The following ODAD2 variants were observed in gnomAD, a reference collection of about 807,000 sequenced individuals.
ODAD2 encodes the protein outer dynein arm docking complex subunit 2.
ODAD2 carries 89 observed loss-of-function variants against 106.8 expected under a neutral mutation model. That is an observed-to-expected ratio of 0.83 (90% CI 0.70 to 0.99). ODAD2 has a LOEUF of 0.99. Among genes scored for constraint, ODAD2 ranks in the 50% least tolerant of loss-of-function variants. ODAD2 has a pLI of 0.00. For synonymous variants in ODAD2, 404 were observed against 436.2 expected (o/e 0.93, Z 0.92); for missense variants, 1,168 against 1,238.5 (o/e 0.94, Z 0.85).
intron 19 of ODAD2, among the ~76,000 whole-genome samples, chr10:27,814,145 A>C (rs978497183): frequency 6.6e-6 from 1 of 152,052 alleles, no homozygotes; most frequent in African/African-American, 2.4e-5. Context: ...TATTGGGCAA[A>C]ATGGGGGAAA....
At chr10:27,994,515 A>C (rs1850431741) in intron 2 of ODAD2, among the ~76,000 whole-genome samples, 1 of 152,108 alleles carries the variant, frequency 6.6e-6, no homozygotes, top group Admixed American at 6.5e-5. Context: ...GGATCACTTG[A>C]GGCCAGGAAT....
At chr10:27,848,100 G>T (rs1838928746) in intron 19 of ODAD2, among the ~76,000 whole-genome samples, 1 of 152,130 alleles carries the variant, frequency 6.6e-6, no homozygotes, top group South Asian at 2.1e-4. Context: ...CCAAAAAAGA[G>T]CCCACATTGC....
rs148256668 is a variant in ODAD2 at position 27,929,771 on chromosome 10, T to C, written c.2495+5239A>G. 3.9e-3 allele frequency among the ~76,000 whole-genome samples: 594 copies of C among 152,326 alleles called. 3 individuals are homozygous for C. The highest frequency in any genetic ancestry group is 0.014 in the African/African-American group (578 of 41,572). ...AATGGCTTGTGTCATTAAAAGAAGA[T>C]GCAGAGAAGTTTACAGCCAATGGTT... On this transcript the variant is annotated intron_variant, in intron 16 of 19. Transcript: ENST00000305242.
intron 2 of ODAD2, among the ~76,000 whole-genome samples, chr10:27,994,591 T>C (rs77588773): frequency 0.029 from 4,404 of 152,066 alleles, 117 homozygotes; most frequent in East Asian, 0.1. Flanking sequence ...TGTATATATA[T>C]CTCCACATAT....
chr10:27,936,825 G>C lies in ODAD2; in HGVS notation c.2153C>G (p.Pro718Arg), dbSNP rs1443741340. The C allele has an allele frequency of 6.2e-7, 1 of 1,613,890 alleles. No individual in the cohort carries two copies. Among genetic ancestry groups the C allele is most frequent in the Middle Eastern group, 1.7e-4 (1 of 6,058 alleles). The change falls in exon 15 of 20, where the codon CCC (proline) becomes CGC (arginine). Residue 718 changes from proline (P) to arginine (R), a missense_variant. Pro to Arg is a moderately radical substitution (Grantham distance 103, BLOSUM62 -2). This residue lies in a region of ODAD2 where 701 missense variants were observed against 712.3 expected (regional missense o/e 0.98). Coordinates refer to ENST00000305242, the MANE Select transcript of ODAD2 (RefSeq NM_018076.5). The stretch of plus-strand genomic sequence containing the variant: ...AGTGTTATTGAGTAGACTGGCCAAG[G>C]GCTTAAGTCCTCCGTGCAGCCTAAC... The part of the protein sequence containing the change: ...DLVRLHGGLK[P>R]LASLLNNTDN...
chr10:27,944,426 A>T lies in ODAD2; in HGVS notation c.1539T>A (p.Gly513=). 1 of 1,612,992 alleles carries T rather than the reference A, an allele frequency of 6.2e-7. No individual in the cohort carries two copies. Among genetic ancestry groups the T allele is most frequent in the Non-Finnish European group, 8.5e-7 (1 of 1,179,076 alleles). The change falls in exon 12 of 20, where the codon GGT becomes GGA. Residue 513 remains glycine (G), a synonymous_variant. Transcript: ENST00000305242. The part of the protein sequence containing the change: ...LETDEVKCKI[G]SLKILKEISH... The stretch of plus-strand genomic sequence containing the variant: ...TGATTTCCTTCAGTATTTTTAATGA[A>T]CCAATCTGTGTGAGAAAAAAAAAGA...
At chr10:27,818,485 T>C (rs6481483) in intron 19 of ODAD2, among the ~76,000 whole-genome samples, 119,620 of 152,002 alleles carry the variant, frequency 0.79, 47,379 homozygotes, top group Non-Finnish European at 0.83. Context: ...TATTACTTTA[T>C]GAATTTTGTT....
intron 16 of ODAD2, among the ~76,000 whole-genome samples, chr10:27,919,334 G>A (rs1268151939): frequency 3.3e-5 from 5 of 151,968 alleles, no homozygotes; most frequent in Non-Finnish European, 7.4e-5. Flanking sequence ...AAGGACAACC[G>A]AAAAATTGAC....
In ODAD2 at chr10:27,885,822, T is replaced by C. The variant is rs1379842037; in HGVS notation, c.2610+21841A>G. On this transcript the variant is annotated intron_variant, in intron 17 of 19. Coordinates refer to ENST00000305242, the MANE Select transcript of ODAD2 (RefSeq NM_018076.5). ...TATATAAAATATATATTATATATAA[T>C]ATATAAATATATATATTTGTTTGGA... Among the ~76,000 whole-genome samples the C allele has an allele frequency of 7.2e-5, 7 of 97,900 alleles. No individual in the cohort carries two copies. The East Asian group carries it at 1.3e-3, about 18-fold the overall frequency. The allele number at this position is 97,900 out of a possible 152,430, so 64.2% of individuals were successfully genotyped here.
chr10:27,994,100 C>G (rs569191848), intron 2 of ODAD2, among the ~76,000 whole-genome samples: 1 of 150,174 alleles, frequency 6.7e-6, no homozygotes, highest in Non-Finnish European at 1.5e-5. Flanking sequence ...ATAATTTATG[C>G]GTATGTGTGT....
intron 7 of ODAD2, among the ~76,000 whole-genome samples, chr10:27,973,159 G>A (rs1365485266): frequency 6.6e-6 from 1 of 151,926 alleles, no homozygotes; most frequent in African/African-American, 2.4e-5. Context: ...GTGTAACATA[G>A]TTTATACAAT....
Position 27,977,684 on chromosome 10 carries a change from T to C in ODAD2, c.936+3782A>G, listed in dbSNP as rs1278600729. ...AGCCAAGAACATATATAAAGATCTG[T>C]TGCAACTCAATAAAAAACTGAATAG... On this transcript the variant is annotated intron_variant, in intron 7 of 19. Coordinates refer to ENST00000305242, the MANE Select transcript of ODAD2 (RefSeq NM_018076.5). Among the ~76,000 whole-genome samples, 7 of 152,132 alleles carry C rather than the reference T, an allele frequency of 4.6e-5. No homozygotes were observed. In the East Asian group the frequency reaches 1.3e-3, roughly 29 times the overall value.
intron 10 of ODAD2, among the ~76,000 whole-genome samples, chr10:27,954,022 T>C (rs1847548477): frequency 6.6e-6 from 1 of 152,210 alleles, no homozygotes; most frequent in South Asian, 2.1e-4. Flanking sequence ...TTAATATTTT[T>C]CCTGCAAATA....
chr10:27,945,067 G>T, intron 10 of ODAD2, 105 bp from the exon 11 acceptor site: 1 of 1,338,244 alleles, frequency 7.5e-7, no homozygotes, highest in Non-Finnish European at 1.0e-6. Flanking sequence ...CTCTGAGTGG[G>T]CTAGAATTTG....
rs757724229 is a variant in ODAD2 at position 27,907,663 on chromosome 10, CT to C, written c.2609del (p.Lys870ArgfsTer21). 2 of 1,610,856 alleles carry C rather than the reference CT, an allele frequency of 1.2e-6. No individual in the cohort carries two copies. The highest frequency in any genetic ancestry group is 1.3e-5 in the African/African-American group (1 of 74,978). On this transcript the variant is annotated frameshift_variant and splice_region_variant, in exon 17 of 20. Transcript: ENST00000305242. LOFTEE classifies it high-confidence loss of function. ...AGACTGACTTGCAGTCCGTTCTTAC[CT>C]TTGCATTTTTGATGCATGGACAGAG... ...WALCPCIKNA[K>X]DAGEMVRSFV...
At chr10:27,896,160 A>C (rs1004018192) in intron 17 of ODAD2, among the ~76,000 whole-genome samples, 2 of 152,210 alleles carry the variant, frequency 1.3e-5, no homozygotes, top group Non-Finnish European at 2.9e-5. Flanking sequence ...GAATTTAGCC[A>C]CAAAGATTTA....
intron 17 of ODAD2, among the ~76,000 whole-genome samples, chr10:27,864,908 A>T (rs1840334089): frequency 6.6e-6 from 1 of 152,132 alleles, no homozygotes; most frequent in Non-Finnish European, 1.5e-5. Context: ...TATTATTTCC[A>T]TTTTAGGTTT....
chr10:27,903,036 T>C (rs967631537), intron 17 of ODAD2, among the ~76,000 whole-genome samples: 1 of 152,194 alleles, frequency 6.6e-6, no homozygotes, highest in Admixed American at 6.5e-5. Context: ...TGAACATCGA[T>C]GCGAAAATCC....
intron 16 of ODAD2, 90 bp from the exon 17 acceptor site, chr10:27,907,867 C>G: frequency 1.1e-6 from 1 of 915,916 alleles, no homozygotes; most frequent in Non-Finnish European, 1.7e-6. Context: ...TATTTTTTCT[C>G]CTTTTGATAT....
Sources: allele counts gnomAD v4.1 joint callset (sites outside exome capture counted in the v4.1 genomes callset), GRCh38; gene constraint gnomAD v4.1.1; regional missense constraint gnomAD v4.1.1; transcripts MANE v1.5; gene names NCBI Gene and HGNC (gene_info 2026-07-23, HGNC 2026-07-21).